FBXL20: variants seen among roughly 807,000 people sequenced by gnomAD.
FBXL20 encodes the protein F-box and leucine rich repeat protein 20.
Under a neutral mutation model 64.0 loss-of-function variants are expected in FBXL20, and 11 were observed. The ratio of observed to expected loss-of-function variants is 0.17; its 90% CI spans 0.11 to 0.28. The LOEUF (loss-of-function observed/expected upper bound fraction) is 0.28, where lower values mean the gene tolerates loss of function less well. Among genes scored for constraint, FBXL20 ranks in the 10% least tolerant of loss-of-function variants. The pLI is 1.00. For missense variants in FBXL20, 303 were observed against 526.2 expected, an observed-to-expected ratio of 0.58 and a Z score of 4.15; for synonymous variants, 184 against 189.0, an observed-to-expected ratio of 0.97 and a Z score of 0.22.
intron 10 of FBXL20, among the ~76,000 whole-genome samples, chr17:39,272,384 C>CACA (rs2046852057): frequency 5.3e-5 from 7 of 130,934 alleles, no homozygotes; most frequent in Admixed American, 5.3e-4. Context: ...GACTTTGTCT[C>CACA]AAAAAAAAAA....
Position 39,337,603 on chromosome 17 carries a change from G to A in FBXL20, c.104+5577C>T, listed in dbSNP as rs1261723752. 1.3e-4 allele frequency among the ~76,000 whole-genome samples: 19 copies of A among 149,402 alleles called. 1 individual carries two copies. In the South Asian group the frequency reaches 1.9e-3, roughly 15 times the overall value. ...AGCGCCTCTGCCCGGCCGCGACCCCGTCTGGGAGGTGAGGAGCGTCTCTGC... is the reference window on the plus strand; with the variant it reads ...AGCGCCTCTGCCCGGCCGCGACCCCATCTGGGAGGTGAGGAGCGTCTCTGC... On this transcript the variant is annotated intron_variant, in intron 2 of 14. Transcript: ENST00000264658.
At chr17:39,331,033 C>T (rs1384923353) in intron 2 of FBXL20, among the ~76,000 whole-genome samples, 1 of 152,188 alleles carries the variant, frequency 6.6e-6, no homozygotes, top group Non-Finnish European at 1.5e-5. Flanking sequence ...TTCCTCTGCC[C>T]ACAAAAAGGA....
chr17:39,279,586 C>G (rs1456199978), intron 9 of FBXL20, among the ~76,000 whole-genome samples: 1 of 151,764 alleles, frequency 6.6e-6, no homozygotes, highest in Non-Finnish European at 1.5e-5. Context: ...ATTTTTAAGG[C>G]AAGAGAAAAA....
chr17:39,289,341 A>G (rs901719226), intron 6 of FBXL20, among the ~76,000 whole-genome samples: 32 of 152,252 alleles, frequency 2.1e-4, no homozygotes, highest in Admixed American at 2.0e-3. Flanking sequence ...GAACAATTTA[A>G]GGAAAACAAG....
intron 2 of FBXL20, among the ~76,000 whole-genome samples, chr17:39,317,256 G>C (rs1042701257): frequency 6.6e-6 from 1 of 152,070 alleles, no homozygotes; most frequent in South Asian, 2.1e-4. Context: ...CCATGAGACA[G>C]AGTCTCACTC....
chr17:39,369,681 G>A (rs2047896541), intron 1 of FBXL20, among the ~76,000 whole-genome samples: 1 of 151,910 alleles, frequency 6.6e-6, no homozygotes, highest in South Asian at 2.1e-4. Flanking sequence ...ACAGAATCTT[G>A]CTCTGTTGCC....
chr17:39,388,123 G>A (rs2048099974), intron 1 of FBXL20, among the ~76,000 whole-genome samples: 1 of 152,074 alleles, frequency 6.6e-6, no homozygotes, highest in Non-Finnish European at 1.5e-5. Context: ...AAATGCTTGA[G>A]AAAATGGTAT....
At chr17:39,309,739 C>A (rs2047214605) in intron 2 of FBXL20, among the ~76,000 whole-genome samples, 1 of 149,742 alleles carries the variant, frequency 6.7e-6, no homozygotes. Flanking sequence ...TTGCAGTGAG[C>A]CGAGATCATG....
intron 13 of FBXL20, 88 bp downstream of exon 13, chr17:39,265,309 C>A (rs989093616): frequency 1.0e-6 from 1 of 991,870 alleles, no homozygotes; most frequent in East Asian, 2.6e-5. Context: ...AAAATGGTAG[C>A]CAGACACTAA....
At chr17:39,385,734 T>C (rs1391057334) in intron 1 of FBXL20, among the ~76,000 whole-genome samples, 3 of 152,104 alleles carry the variant, frequency 2.0e-5, no homozygotes, top group African/African-American at 7.2e-5. Context: ...AGTTCTCCAT[T>C]AAATTTTGAT....
At chr17:39,349,086 T>C (rs532905030) in intron 1 of FBXL20, among the ~76,000 whole-genome samples, 1 of 151,918 alleles carries the variant, frequency 6.6e-6, no homozygotes, top group South Asian at 2.1e-4. Context: ...ACCCCGTCTC[T>C]ACTAAAAATA....
At chr17:39,359,659 G>C (rs2047775925) in intron 1 of FBXL20, among the ~76,000 whole-genome samples, 1 of 151,926 alleles carries the variant, frequency 6.6e-6, no homozygotes, top group South Asian at 2.1e-4. Flanking sequence ...GGAGAAATTG[G>C]AAACCTTAAG....
chr17:39,330,637 T>C (rs2047451661), intron 2 of FBXL20, among the ~76,000 whole-genome samples: 2 of 152,098 alleles, frequency 1.3e-5, no homozygotes, highest in African/African-American at 2.4e-5. Flanking sequence ...ATAAATAGAT[T>C]AATTAAATAA....
chr17:39,381,389 A>C (rs1487564514), intron 1 of FBXL20, among the ~76,000 whole-genome samples: 1 of 148,074 alleles, frequency 6.8e-6, no homozygotes, highest in African/African-American at 2.5e-5. Context: ...CTGAGGCAGG[A>C]GGATCACTTG....
At chr17:39,275,303 GA>G (rs1486715197) in intron 9 of FBXL20, among the ~76,000 whole-genome samples, 1 of 152,110 alleles carries the variant, frequency 6.6e-6, no homozygotes, top group African/African-American at 2.4e-5. Context: ...GGTGCAAAGG[GA>G]AGAAGCTATA....
chr17:39,317,228 A>C (rs1276176810), intron 2 of FBXL20, among the ~76,000 whole-genome samples: 1 of 151,982 alleles, frequency 6.6e-6, no homozygotes, highest in African/African-American at 2.4e-5. Context: ...GACAAAGAAG[A>C]GCTGCTTTTC....
intron 2 of FBXL20, among the ~76,000 whole-genome samples, chr17:39,332,573 C>T (rs576052876): frequency 7.4e-6 from 1 of 135,426 alleles, no homozygotes; most frequent in South Asian, 2.4e-4. Context: ...GACAGAGTCT[C>T]GCTCTGTGCC....
At chr17:39,267,125 G>A (rs574674514) in intron 12 of FBXL20, among the ~76,000 whole-genome samples, 15 of 151,618 alleles carry the variant, frequency 9.9e-5, no homozygotes, top group South Asian at 6.3e-4. Flanking sequence ...GGTGGCAGGC[G>A]CCTATAATCC....
chr17:39,261,382 C>T lies in FBXL20; in HGVS notation c.*78G>A, dbSNP rs2046743847. The T allele has an allele frequency of 8.4e-7, 1 of 1,189,018 alleles. No homozygotes were observed. The allele number at this position is 1,189,018 out of a possible 1,614,324, so 73.7% of individuals were successfully genotyped here. Reference sequence around the variant, plus strand: ...ACCCTTGCTCAGAACACTGGGGTTGCTTCCACTGGAGAGACTCCACGGTAG... The same window carrying T: ...ACCCTTGCTCAGAACACTGGGGTTGTTTCCACTGGAGAGACTCCACGGTAG... On this transcript the variant is annotated 3_prime_UTR_variant, in exon 15 of 15. Transcript: ENST00000264658.
Sources: allele counts gnomAD v4.1 joint callset (sites outside exome capture counted in the v4.1 genomes callset), GRCh38; gene constraint gnomAD v4.1.1; transcripts MANE v1.5; gene names NCBI Gene and HGNC (gene_info 2026-07-23, HGNC 2026-07-21).